Variants in SYNE1 observed in about 807,000 individuals in gnomAD.
The protein encoded by SYNE1 is spectrin repeat containing nuclear envelope protein 1.
A neutral mutation model predicts 1,111.0 loss-of-function variants in SYNE1; 616 were observed. The ratio of observed to expected loss-of-function variants is 0.55; its 90% CI spans 0.52 to 0.59. The LOEUF (loss-of-function observed/expected upper bound fraction) is 0.59, where lower values mean the gene tolerates loss of function less well. Ranked by LOEUF, SYNE1 falls within the 20% of genes least tolerant of loss-of-function variation. The probability of loss-of-function intolerance (pLI) is 0.00; values close to 1 mark genes in which losing one functional copy is unlikely to be tolerated. For missense variants in SYNE1, 10,006 were observed against 10,417.0 expected (o/e 0.96, Z 1.72); for synonymous variants, 3,855 against 3,825.8 (o/e 1.01, Z -0.28).
At chr6:152,547,655 C>T (rs1387888775) in intron 3 of SYNE1, among the ~76,000 whole-genome samples, 1 of 152,046 alleles carries the variant, frequency 6.6e-6, no homozygotes, top group Non-Finnish European at 1.5e-5. Flanking sequence ...AAAAGATTTG[C>T]AAAGTAAGAA....
At chr6:152,519,566 A>C (rs2099128822) in intron 6 of SYNE1, among the ~76,000 whole-genome samples, 1 of 152,206 alleles carries the variant, frequency 6.6e-6, no homozygotes, top group African/African-American at 2.4e-5. Flanking sequence ...TAAATAAGTA[A>C]ATTGTGGGGG....
intron 128 of SYNE1, among the ~76,000 whole-genome samples, chr6:152,188,196 C>G (rs1266789582): frequency 6.6e-6 from 1 of 152,190 alleles, no homozygotes; most frequent in Non-Finnish European, 1.5e-5. Context: ...ATCCATTTAA[C>G]AGAGATGTAT....
Position 152,425,425 on chromosome 6 carries a change from C to G in SYNE1, c.5223G>C (p.Gln1741His). Residue 1741 changes from glutamine to histidine, a missense_variant, in exon 39 of 146, where the codon CAG becomes CAC. Gln to His is a conservative substitution (Grantham distance 24, BLOSUM62 0). Coordinates refer to ENST00000367255, the MANE Select transcript of SYNE1 (RefSeq NM_182961.4). ...DVKMMKLHLEQLDERWRDLPQ... is the reference protein window; with the variant it reads ...DVKMMKLHLEHLDERWRDLPQ... ...GTAAATCTCTCCATCTCTCATCCAACTGCTCCAAATGTAGTTTCATCATTT... is the reference window on the plus strand; with the variant it reads ...GTAAATCTCTCCATCTCTCATCCAAGTGCTCCAAATGTAGTTTCATCATTT... 1.2e-6 allele frequency: 2 copies of G among 1,614,202 alleles called. No homozygotes were observed. Among genetic ancestry groups the G allele is most frequent in the Non-Finnish European group, 1.7e-6 (2 of 1,180,024 alleles).
At chr6:152,202,080 C>A in intron 126 of SYNE1, 131 bp from the exon 127 acceptor site, 1 of 1,210,246 alleles carries the variant, frequency 8.3e-7, no homozygotes, top group Non-Finnish European at 1.2e-6. Flanking sequence ...AGTGTGGTGG[C>A]TCACGCGTGT....
intron 3 of SYNE1, among the ~76,000 whole-genome samples, chr6:152,613,720 A>T (rs1394313255): frequency 6.6e-6 from 1 of 152,230 alleles, no homozygotes; most frequent in Non-Finnish European, 1.5e-5. Context: ...GCATCATGCT[A>T]CCTGACTTCA....
In SYNE1 at chr6:152,401,093, A is replaced by ACG; in HGVS notation, c.7029+44_7029+45insCG. On this transcript the variant is annotated intron_variant, in intron 47 of 145. Transcript: ENST00000367255. ...TATAGTCACCACAAAACAGAACTACAATCACCATTTGAATGGAAGCACTTA... is the reference window on the plus strand; with the variant it reads ...TATAGTCACCACAAAACAGAACTACACGATCACCATTTGAATGGAAGCACTTA... 5 of 1,583,302 alleles carry ACG rather than the reference A, an allele frequency of 3.2e-6. No homozygotes were observed. The East Asian group carries it at 1.1e-4, about 35-fold the overall frequency.
At chr6:152,545,311 G>A (rs1440409349) in intron 3 of SYNE1, among the ~76,000 whole-genome samples, 2 of 152,128 alleles carry the variant, frequency 1.3e-5, no homozygotes, top group Non-Finnish European at 2.9e-5. Flanking sequence ...CGGGTGCTGT[G>A]GCTCATGCCT....
At chr6:152,135,284 A>G in intron 141 of SYNE1, 52 bp from the exon 142 acceptor site, 1 of 1,579,474 alleles carries the variant, frequency 6.3e-7, no homozygotes, top group Non-Finnish European at 8.6e-7. Flanking sequence ...TATTTCTCTC[A>G]AAACTTAAAT....
chr6:152,209,180 A>G (rs1012993524), intron 124 of SYNE1, among the ~76,000 whole-genome samples: 6 of 152,178 alleles, frequency 3.9e-5, no homozygotes, highest in Non-Finnish European at 8.8e-5. Context: ...TTTCTTCCTC[A>G]GATATACTAT....
In SYNE1 at chr6:152,293,764, G is replaced by A. The variant is rs746393835; in HGVS notation, c.17851-15C>T. On this transcript the variant is annotated splice_polypyrimidine_tract_variant and intron_variant, in intron 94 of 145. Transcript: ENST00000367255. ...TTCTCACTGATCTACACCAGAAAAG[G>A]GATATTACCAAATGCTTCCCAGCCC... The A allele has an allele frequency of 6.2e-6, 10 of 1,613,892 alleles. No homozygotes were observed. The East Asian group carries it at 1.1e-4, about 18-fold the overall frequency.
At position 152,540,022 on chromosome 6, in the gene SYNE1, C is replaced by T; in HGVS notation, c.68-1G>A. On this transcript the variant is annotated splice_acceptor_variant, in intron 3 of 145. Transcript: ENST00000367255. LOFTEE classifies it high-confidence loss of function. ...CGTTTTTGTACTATCTCTTGCTCAT[C>T]TAGAAGGAAAAAGAAATCTGGTTAA... 6.2e-7 allele frequency: 1 copy of T among 1,613,570 alleles called. No homozygotes were observed. The highest frequency in any genetic ancestry group is 8.5e-7 in the Non-Finnish European group (1 of 1,179,756).
At chr6:152,145,296 G>A (rs950457509) in intron 137 of SYNE1, 16 of 645,388 alleles carry the variant, frequency 2.5e-5, no homozygotes, top group African/African-American at 9.1e-5. Flanking sequence ...ACTTTATTTC[G>A]CTCAATTAGT....
chr6:152,498,183 A>T (rs963773313), intron 11 of SYNE1, among the ~76,000 whole-genome samples: 7 of 152,232 alleles, frequency 4.6e-5, no homozygotes, highest in African/African-American at 1.7e-4. Flanking sequence ...AATATGGGAC[A>T]TGCATTCAAT....
At chr6:152,505,032 G>A (rs1342518650) in intron 9 of SYNE1, among the ~76,000 whole-genome samples, 169 bp downstream of exon 9, 1 of 152,152 alleles carries the variant, frequency 6.6e-6, no homozygotes, top group Admixed American at 6.5e-5. Context: ...AACCATGGTG[G>A]TAGATATTTA....
chr6:152,362,127 A>G (rs779524458), intron 64 of SYNE1, 43 bp downstream of exon 64: 3 of 1,614,138 alleles, frequency 1.9e-6, no homozygotes, highest in Non-Finnish European at 2.5e-6. Flanking sequence ...CATTCTAAAG[A>G]AGCCTGTGAG....
intron 16 of SYNE1, among the ~76,000 whole-genome samples, chr6:152,466,762 T>C (rs2098771407): frequency 1.3e-5 from 2 of 152,066 alleles, no homozygotes; most frequent in African/African-American, 4.8e-5. Context: ...TTTAGGAATA[T>C]AAAATAATGT....
Position 152,321,372 on chromosome 6 carries a change from T to C in SYNE1, c.16102A>G (p.Thr5368Ala), listed in dbSNP as rs1342214470. 1 of 1,613,894 alleles carries C rather than the reference T, an allele frequency of 6.2e-7. No individual in the cohort carries two copies. Among genetic ancestry groups the C allele is most frequent in the Non-Finnish European group, 8.5e-7 (1 of 1,179,902 alleles). The change falls in exon 84 of 146, where the codon ACA becomes GCA. Residue 5368 changes from threonine to alanine, a missense_variant. Coordinates refer to ENST00000367255, the MANE Select transcript of SYNE1 (RefSeq NM_182961.4). Reference protein sequence around the residue: ...EELQILLTEATNHRQNIEKMA... With the variant: ...EELQILLTEAANHRQNIEKMA... ...TTTTCAATGTTCTGTCGGTGATTTGTGGCTTCTGTTAGGAGAATCTGAAGA... is the reference window on the plus strand; with the variant it reads ...TTTTCAATGTTCTGTCGGTGATTTGCGGCTTCTGTTAGGAGAATCTGAAGA...
intron 3 of SYNE1, among the ~76,000 whole-genome samples, chr6:152,577,638 C>A (rs545857539): frequency 3.8e-4 from 58 of 151,558 alleles, no homozygotes; most frequent in African/African-American, 1.4e-3. Flanking sequence ...ATCTCAACGA[C>A]AACAAAAGAA....
chr6:152,244,469 A>G, intron 106 of SYNE1, 68 bp downstream of exon 106: 1 of 1,611,576 alleles, frequency 6.2e-7, no homozygotes, highest in Non-Finnish European at 8.5e-7. Context: ...AGAAAAATAA[A>G]GTGATTTTTT....
Sources: allele counts gnomAD v4.1 joint callset (sites outside exome capture counted in the v4.1 genomes callset), GRCh38; gene constraint gnomAD v4.1.1; transcripts MANE v1.5; gene names NCBI Gene and HGNC (gene_info 2026-07-23, HGNC 2026-07-21).